Variants in IQSEC3 observed in about 807,000 individuals in gnomAD.
IQSEC3 encodes the protein IQ motif and SEC7 domain-containing protein 3.
Under a neutral mutation model 105.4 loss-of-function variants are expected in IQSEC3, and 50 were observed. That is an observed-to-expected ratio of 0.47 (90% confidence interval 0.38 to 0.60). IQSEC3 has a LOEUF of 0.60. Among genes scored for constraint, IQSEC3 ranks in the 20% least tolerant of loss-of-function variants. The pLI, the probability that IQSEC3 is intolerant of heterozygous loss-of-function variation, is 0.00. For missense variants in IQSEC3, 1,415 were observed against 1,630.0 expected (o/e 0.87, Z 2.27); for synonymous variants, 708 against 746.0 (o/e 0.95, Z 0.83).
rs969193482 is a variant in IQSEC3, at chr12:171,484, C to T, written c.3114+323C>T. ...TCCTGTGTGCCCCCAAATCCACCTC[C>T]CCAGCAAATGCTCACTGCTCACTGC... is the stretch of plus-strand genomic sequence containing the variant. On this transcript the variant is annotated intron_variant, in intron 13 of 13. Coordinates refer to ENST00000538872, the MANE Select transcript of IQSEC3 (RefSeq NM_001170738.2). 2.8e-5 allele frequency: 18 copies of T among 636,092 alleles called. 1 individual carries two copies. In the South Asian group the frequency reaches 3.4e-4, roughly 12 times the overall value. The allele number at this position is 636,092 out of a possible 1,614,324, so 39.4% of individuals were successfully genotyped here.
At chr12:143,231 G>T in intron 5 of IQSEC3, 1 of 153,000 alleles carries the variant, frequency 6.5e-6, no homozygotes, top group Non-Finnish European at 1.5e-5. Context: ...GCTGGGGGCT[G>T]GGCTAACCTT....
chr12:116,374 G>GC (rs1461424597), intron 2 of IQSEC3, among the ~76,000 whole-genome samples: 64 of 152,274 alleles, frequency 4.2e-4, no homozygotes, highest in African/African-American at 1.5e-3. Context: ...AAAGGCACTC[G>GC]CCCCGGAGAC....
rs75097689 is a variant in IQSEC3, at chr12:165,368, T to C, written c.2710-66T>C. The C allele has an allele frequency of 9.8e-4, 1,201 of 1,225,018 alleles. 21 individuals are homozygous for C. In the East Asian group the frequency reaches 0.025, roughly 26 times the overall value. 75.9% of individuals were successfully genotyped at this position (1,225,018 alleles called of 1,614,324 possible). On this transcript the variant is annotated intron_variant, in intron 9 of 13. Coordinates refer to ENST00000538872, the MANE Select transcript of IQSEC3 (RefSeq NM_001170738.2). Reference sequence around the variant, plus strand: ...TGTGTGATCGTGCATCCCCCGGGTGTTTGTGCATCCATGTGTCCGTGAGTG... The same window carrying C: ...TGTGTGATCGTGCATCCCCCGGGTGCTTGTGCATCCATGTGTCCGTGAGTG...
chr12:136,692 G>A (rs930063632), intron 3 of IQSEC3, among the ~76,000 whole-genome samples: 2 of 152,152 alleles, frequency 1.3e-5, no homozygotes, highest in African/African-American at 4.8e-5. Context: ...TCGTTCATTC[G>A]GGAAGGACAC....
chr12:105,520 A>T (rs1864618843), intron 2 of IQSEC3, among the ~76,000 whole-genome samples: 2 of 152,220 alleles, frequency 1.3e-5, no homozygotes, highest in African/African-American at 4.8e-5. Flanking sequence ...CCTGGGCTCC[A>T]TGCCCAGGAA....
Position 139,331 on chromosome 12 carries a change from C to T in IQSEC3, c.1968C>T (p.Arg656=). The part of the protein sequence containing the change: ...STDTLRKRLY[R]IGLNLFNINP... Reference sequence around the variant, plus strand: ...ACACCCTGCGCAAGCGGCTCTACCGCATCGGCCTCAACCTCTTCAACATGT... The same window carrying T: ...ACACCCTGCGCAAGCGGCTCTACCGTATCGGCCTCAACCTCTTCAACATGT... The change falls in exon 4 of 14, where the codon CGC becomes CGT. Residue 656 remains arginine, a synonymous_variant. Coordinates refer to ENST00000538872, the MANE Select transcript of IQSEC3 (RefSeq NM_001170738.2). 1 of 1,582,766 alleles carries T rather than the reference C, an allele frequency of 6.3e-7. No homozygotes were observed. The highest frequency in any genetic ancestry group is 1.8e-5 in the Admixed American group (1 of 55,892).
At chr12:72,651 C>T (rs1863364163) in intron 1 of IQSEC3, among the ~76,000 whole-genome samples, 1 of 107,548 alleles carries the variant, frequency 9.3e-6, no homozygotes, top group Non-Finnish European at 2.3e-5. Flanking sequence ...TGGAAAAGCA[C>T]AAAGTGCAGG....
Position 174,704 on chromosome 12 carries a change from C to T in IQSEC3, c.3220C>T (p.Gln1074Ter). The change falls in exon 14 of 14, where the codon CAG becomes TAG. Residue 1074 changes from glutamine (Q) to a stop codon, truncating the protein, a stop_gained. Transcript: ENST00000538872. LOFTEE classifies it high-confidence loss of function. Reference sequence around the variant, plus strand: ...AGACCTGCAGCCTAGCCCCCCGAGACAGCAGACCCCACCACTGCCGCCGCC... The same window carrying T: ...AGACCTGCAGCCTAGCCCCCCGAGATAGCAGACCCCACCACTGCCGCCGCC... ...PPDLQPSPPR[Q>*]QTPPLPPPPP... is the part of the protein sequence containing the mutation. The T allele has an allele frequency of 1.3e-6, 2 of 1,593,914 alleles. No individual in the cohort carries two copies. The highest frequency in any genetic ancestry group is 8.5e-7 in the Non-Finnish European group (1 of 1,178,278).
chr12:115,410 CCTCATGCCTGCCTCTGGTATGGG>C (rs1305517698), intron 2 of IQSEC3, among the ~76,000 whole-genome samples: 2 of 152,196 alleles, frequency 1.3e-5, no homozygotes, highest in African/African-American at 2.4e-5. Context: ...CCAGGCATGG[CCTCATGCCTGCCTCTGGTATGGG>C]CTTTATGCAC....
At chr12:111,117 G>A (rs1184038744) in intron 2 of IQSEC3, among the ~76,000 whole-genome samples, 5 of 152,070 alleles carry the variant, frequency 3.3e-5, no homozygotes, top group Non-Finnish European at 7.3e-5. Context: ...ATTGGGTGAG[G>A]GCTTTTTACT....
intron 1 of IQSEC3, among the ~76,000 whole-genome samples, chr12:87,320 C>T (rs1863949565): frequency 6.6e-6 from 1 of 152,146 alleles, no homozygotes; most frequent in Non-Finnish European, 1.5e-5. Flanking sequence ...GATTTCCTCT[C>T]ATCACCATGC....
rs782400785 is a variant in IQSEC3, at chr12:157,548, A to G, written c.2297A>G (p.Asn766Ser). 44 of 1,613,706 alleles carry G rather than the reference A, an allele frequency of 2.7e-5. No homozygotes were observed. Among genetic ancestry groups the G allele is most frequent in the Non-Finnish European group, 3.6e-5 (42 of 1,179,866 alleles). Residue 766 changes from asparagine (N) to serine (S), a missense_variant, in exon 7 of 14, where the codon AAC becomes AGC. Asn to Ser is a conservative substitution (Grantham distance 46). Around this residue, in one of 6 missense-constraint regions of IQSEC3, gnomAD observed 213 missense variants for 306.2 expected, o/e 0.70. Coordinates refer to ENST00000538872, the MANE Select transcript of IQSEC3 (RefSeq NM_001170738.2). ...CACAGCCAGCGCTACTGCATGTGCA[A>G]CCCCGAAGTGGTTCAGCAGTTCCAC... Reference protein sequence around the residue: ...EAFSQRYCMCNPEVVQQFHNP... With the variant: ...EAFSQRYCMCSPEVVQQFHNP...
chr12:153,144 A>C lies in IQSEC3; in HGVS notation c.2154-3881A>C, dbSNP rs538117905. On this transcript the variant is annotated intron_variant, in intron 5 of 13. Transcript: ENST00000538872. ...GCAGAAGCTTATGCTCAGGGAGTGA[A>C]CAGAGGAGGCTCATGCTGTAGAGGG... Among the ~76,000 whole-genome samples the C allele has an allele frequency of 1.1e-3, 167 of 152,158 alleles. 1 individual carries two copies. The highest frequency in any genetic ancestry group is 3.7e-3 in the African/African-American group (155 of 41,516).
At chr12:134,059 C>T (rs1865680252) in intron 3 of IQSEC3, among the ~76,000 whole-genome samples, 1 of 152,072 alleles carries the variant, frequency 6.6e-6, no homozygotes, top group African/African-American at 2.4e-5. Flanking sequence ...GCAGATAGGA[C>T]GAAGGAAATG....
In IQSEC3 at chr12:66,830, C is replaced by T. The variant is rs1330985889; in HGVS notation, c.-53C>T. The T allele has an allele frequency of 3.6e-5, 48 of 1,332,286 alleles. No individual in the cohort carries two copies. Among genetic ancestry groups the T allele is most frequent in the Non-Finnish European group, 4.5e-5 (47 of 1,047,684 alleles). The allele number at this position is 1,332,286 out of a possible 1,614,324, so 82.5% of individuals were successfully genotyped here. Reference sequence around the variant, plus strand: ...GGGCTGCTGGGCTCCCGCGCCCTCGCGCTCCCCGCCGCCAGCCCAGGCGCA... The same window carrying T: ...GGGCTGCTGGGCTCCCGCGCCCTCGTGCTCCCCGCCGCCAGCCCAGGCGCA... On this transcript the variant is annotated 5_prime_UTR_variant, in exon 1 of 14. Coordinates refer to ENST00000538872, the MANE Select transcript of IQSEC3 (RefSeq NM_001170738.2).
chr12:83,272 G>A (rs781823474), intron 1 of IQSEC3, among the ~76,000 whole-genome samples: 5 of 152,062 alleles, frequency 3.3e-5, no homozygotes, highest in African/African-American at 1.2e-4. Flanking sequence ...GAGCACCTAC[G>A]GCATGTCAGG....
chr12:155,336 G>A (rs1866649180), intron 5 of IQSEC3, among the ~76,000 whole-genome samples: 1 of 152,192 alleles, frequency 6.6e-6, no homozygotes, highest in Admixed American at 6.5e-5. Flanking sequence ...CCTGCCCACT[G>A]TCCCGGCCAG....
intron 2 of IQSEC3, among the ~76,000 whole-genome samples, chr12:105,544 C>T (rs1254242773): frequency 1.3e-5 from 2 of 152,182 alleles, no homozygotes; most frequent in African/African-American, 4.8e-5. Flanking sequence ...GGCCGAATTC[C>T]GACGTGGAGC....
chr12:160,716 C>T (rs1318281617), intron 7 of IQSEC3, among the ~76,000 whole-genome samples: 1 of 152,150 alleles, frequency 6.6e-6, no homozygotes, highest in Non-Finnish European at 1.5e-5. Context: ...CTTTTAGGGG[C>T]TGCTGTTACC....
Sources: allele counts gnomAD v4.1 joint callset (sites outside exome capture counted in the v4.1 genomes callset), GRCh38; gene constraint gnomAD v4.1.1; regional missense constraint gnomAD v4.1.1; transcripts MANE v1.5; gene names NCBI Gene and HGNC (gene_info 2026-07-23, HGNC 2026-07-21).